WHRN: variants seen among roughly 807,000 people sequenced by gnomAD.
WHRN encodes whirlin.
WHRN carries 41 observed loss-of-function variants against 68.3 expected under a neutral mutation model. The ratio of observed to expected loss-of-function variants is 0.60; its 90% confidence interval spans 0.47 to 0.78. The LOEUF (loss-of-function observed/expected upper bound fraction) is 0.78, where lower values mean the gene tolerates loss of function less well. WHRN is among the 30% of genes least tolerant of loss of function. The pLI, the probability that WHRN is intolerant of heterozygous loss-of-function variation, is 0.00. For missense variants in WHRN, 1,243 were observed against 1,244.7 expected (o/e 1.00, Z 0.02); for synonymous variants, 560 against 561.3 (o/e 1.00, Z 0.03).
intron 1 of WHRN, among the ~76,000 whole-genome samples, chr9:114,486,199 G>A (rs1535959): frequency 0.36 from 54,726 of 151,874 alleles, 12,018 homozygotes; most frequent in East Asian, 0.59. Context: ...ACACAAACAC[G>A]TGTCCCCCAA....
intron 7 of WHRN, among the ~76,000 whole-genome samples, chr9:114,421,850 C>A (rs1223009542): frequency 6.6e-6 from 1 of 152,288 alleles, no homozygotes. Context: ...CCATGTCCAG[C>A]CCTAGAGGAA....
At position 114,404,061 on chromosome 9, in the gene WHRN, G is replaced by C; in HGVS notation, c.2253C>G (p.Ser751=). 1 of 1,613,150 alleles carries C rather than the reference G, an allele frequency of 6.2e-7. No individual in the cohort carries two copies. The change falls in exon 10 of 12, where the codon TCC becomes TCG. Residue 751 remains serine, a synonymous_variant. Transcript: ENST00000362057. ...GAGTCTGCCCGCTGTCCGAGAGCTGGGAGAGCGTAGAGGCTGCTGGAGAGG... is the reference window on the plus strand; with the variant it reads ...GAGTCTGCCCGCTGTCCGAGAGCTGCGAGAGCGTAGAGGCTGCTGGAGAGG... ...LPQTRTASTL[S]QLSDSGQTLS... is the part of the protein sequence containing the mutation.
intron 1 of WHRN, among the ~76,000 whole-genome samples, chr9:114,479,543 G>T (rs572030510): frequency 6.6e-6 from 1 of 152,176 alleles, no homozygotes; most frequent in African/African-American, 2.4e-5. Flanking sequence ...TGGGGACTCT[G>T]ATAAAATACC....
chr9:114,444,037 C>T (rs1040462450), intron 3 of WHRN, among the ~76,000 whole-genome samples: 12 of 152,298 alleles, frequency 7.9e-5, no homozygotes, highest in African/African-American at 1.9e-4. Context: ...CCCCACCACC[C>T]GGTTCAATTA....
At chr9:114,426,855 G>A (rs1206212737) in intron 3 of WHRN, among the ~76,000 whole-genome samples, 1 of 152,218 alleles carries the variant, frequency 6.6e-6, no homozygotes, top group Non-Finnish European at 1.5e-5. Flanking sequence ...ACCTTAAAAT[G>A]TAAACAAAAC....
intron 3 of WHRN, among the ~76,000 whole-genome samples, chr9:114,459,641 G>A (rs1840085738): frequency 6.6e-6 from 1 of 152,132 alleles, no homozygotes; most frequent in African/African-American, 2.4e-5. Context: ...CCCCAGCTTG[G>A]CTGGCTTCAC....
rs534783922 is a variant in WHRN, at chr9:114,424,267, CG to C, written c.1416+66del. 5.3e-3 allele frequency: 8,276 copies of C among 1,567,854 alleles called. 35 individuals are homozygous for C. The highest frequency in any genetic ancestry group is 6.5e-3 in the Non-Finnish European group (7,364 of 1,139,944). ...CCCTTGTAGGTTCTCAGCAAAGGAG[CG>C]GGGGCAGGGCAGGATGCAGAGCCCT... On this transcript the variant is annotated intron_variant, in intron 6 of 11. Coordinates refer to ENST00000362057, the MANE Select transcript of WHRN (RefSeq NM_015404.4).
chr9:114,406,264 TG>T, intron 9 of WHRN, 90 bp downstream of exon 9: 1 of 1,573,336 alleles, frequency 6.4e-7, no homozygotes, highest in Admixed American at 1.7e-5. Flanking sequence ...AACAAGTAGC[TG>T]GTCCCCCCCT....
chr9:114,445,982 G>A (rs576422271), intron 3 of WHRN, among the ~76,000 whole-genome samples: 2 of 152,160 alleles, frequency 1.3e-5, no homozygotes, highest in Non-Finnish European at 2.9e-5. Context: ...GTACCCATAA[G>A]TTTTTATTTA....
intron 3 of WHRN, among the ~76,000 whole-genome samples, chr9:114,426,925 C>CGGCTTT (rs1836924949): frequency 6.6e-6 from 1 of 152,164 alleles, no homozygotes. Context: ...TAAAGCAGTA[C>CGGCTTT]ATATGGCTTA....
intron 3 of WHRN, among the ~76,000 whole-genome samples, chr9:114,465,047 C>G (rs1252885347): frequency 6.6e-6 from 1 of 152,142 alleles, no homozygotes; most frequent in Non-Finnish European, 1.5e-5. Flanking sequence ...GAAGCCCAGA[C>G]AGGTGGAGGG....
Position 114,424,472 on chromosome 9 carries a change from C to T in WHRN, c.1278G>A (p.Leu426=), listed in dbSNP as rs774461811. The change falls in exon 6 of 12, where the codon CTG becomes CTA. Residue 426 remains leucine, a synonymous_variant. Transcript: ENST00000362057. ...TCAGCAGGTGCCGAGCCTGCTCCTCCAGCAGCACTCGTGTCTGGTTCCCCA... is the reference window on the plus strand; with the variant it reads ...TCAGCAGGTGCCGAGCCTGCTCCTCTAGCAGCACTCGTGTCTGGTTCCCCA... ...SSLGNQTRVL[L]EEQARHLLNE... 85 of 1,613,932 alleles carry T rather than the reference C, an allele frequency of 5.3e-5. No individual in the cohort carries two copies. In the Admixed American group the frequency reaches 1.4e-3, roughly 26 times the overall value.
At chr9:114,503,638 A>C (rs1333030439) in intron 1 of WHRN, 1 of 153,758 alleles carries the variant, frequency 6.5e-6, no homozygotes, top group East Asian at 1.9e-4. Flanking sequence ...CAGTGGCCCC[A>C]TTTTCCAAGT....
At chr9:114,411,072 G>A (rs767656656) in intron 7 of WHRN, among the ~76,000 whole-genome samples, 84 of 152,194 alleles carry the variant, frequency 5.5e-4, no homozygotes, top group Non-Finnish European at 1.1e-3. Flanking sequence ...CACAATGTAC[G>A]AGGAAGGTGA....
At chr9:114,424,597 G>C in intron 5 of WHRN, 51 bp from the exon 6 acceptor site, 1 of 1,546,856 alleles carries the variant, frequency 6.5e-7, no homozygotes, top group Middle Eastern at 1.7e-4. Context: ...CTCTAGAGCT[G>C]AGTGGCCATG....
intron 3 of WHRN, among the ~76,000 whole-genome samples, chr9:114,464,490 G>A (rs1338136493): frequency 6.6e-6 from 1 of 152,110 alleles, no homozygotes; most frequent in Non-Finnish European, 1.5e-5. Context: ...GGCAGTTCTT[G>A]GAGCCTCTTT....
rs1373697121 is a variant in WHRN at position 114,479,838 on chromosome 9, A to G, written c.619-1067T>C. ...AGCACTTTGGGAGGCTGAGGCAGGC[A>G]GAGCACCTGAGACCAGGAGTTCAAA... is the stretch of plus-strand genomic sequence containing the variant. On this transcript the variant is annotated intron_variant, in intron 1 of 11. Coordinates refer to ENST00000362057, the MANE Select transcript of WHRN (RefSeq NM_015404.4). 2.0e-5 allele frequency among the ~76,000 whole-genome samples: 3 copies of G among 152,066 alleles called. No homozygotes were observed. The East Asian group carries it at 5.8e-4, about 29-fold the overall frequency.
chr9:114,431,515 C>T (rs976580371), intron 3 of WHRN, among the ~76,000 whole-genome samples: 12 of 152,194 alleles, frequency 7.9e-5, no homozygotes, highest in African/African-American at 1.7e-4. Flanking sequence ...CACTGGCATG[C>T]GGGAGATGCT....
intron 3 of WHRN, among the ~76,000 whole-genome samples, chr9:114,442,381 A>C (rs548681091): frequency 6.6e-6 from 1 of 152,350 alleles, no homozygotes; most frequent in South Asian, 2.1e-4. Context: ...TAGAGAAAAA[A>C]AATACTGAAG....
Sources: gnomAD v4.1 joint callset for allele counts (sites outside exome capture counted in the v4.1 genomes callset) on GRCh38, gnomAD v4.1.1 for gene constraint, MANE v1.5 for transcripts, NCBI Gene and HGNC (gene_info 2026-07-23, HGNC 2026-07-21) for gene names.